Variants in GALNT13 observed in about 807,000 individuals in gnomAD.
GALNT13 encodes the protein polypeptide N-acetylgalactosaminyltransferase 13.
A neutral mutation model predicts 64.2 loss-of-function variants in GALNT13; 28 were observed. The observed-to-expected ratio is 0.44, with a 90% CI of 0.32 to 0.60. The LOEUF (loss-of-function observed/expected upper bound fraction) is 0.60, where lower values mean the gene tolerates loss of function less well. Among genes scored for constraint, GALNT13 ranks in the 20% least tolerant of loss-of-function variants. The pLI is 0.05. For synonymous variants in GALNT13, 214 were observed against 224.6 expected, an observed-to-expected ratio of 0.95 and a Z score of 0.42; for missense variants, 577 against 669.8, an observed-to-expected ratio of 0.86 and a Z score of 1.53.
the GALNT13 span, among the ~76,000 whole-genome samples, chr2:153,444,524 G>A: frequency 6.6e-6 from 1 of 152,158 alleles, no homozygotes; most frequent in Admixed American, 6.5e-5. Context: ...GGTGTAAAGA[G>A]TATAGGAATA....
At chr2:153,900,254 G>A (rs1688149294) in intron 1 of GALNT13, among the ~76,000 whole-genome samples, 1 of 151,994 alleles carries the variant, frequency 6.6e-6, no homozygotes, top group Non-Finnish European at 1.5e-5. Context: ...AATATTTTGA[G>A]ATTCAAAATC....
At chr2:153,090,644 C>G in the GALNT13 span, among the ~76,000 whole-genome samples, 14 of 152,152 alleles carry the variant, frequency 9.2e-5, no homozygotes, top group African/African-American at 3.4e-4. Context: ...TAAGCTTGCT[C>G]TAAGTTGGAC....
chr2:153,371,254 G>A, the GALNT13 span, among the ~76,000 whole-genome samples: 16 of 152,186 alleles, frequency 1.1e-4, no homozygotes, highest in Admixed American at 4.6e-4. Context: ...AACACTAAAC[G>A]TTTTCCCTCT....
chr2:153,148,816 A>G, the GALNT13 span, among the ~76,000 whole-genome samples: 1 of 151,908 alleles, frequency 6.6e-6, no homozygotes, highest in Non-Finnish European at 1.5e-5. Flanking sequence ...AAAAGACATC[A>G]ACAAAATAAT....
At chr2:153,650,988 C>G in the GALNT13 span, among the ~76,000 whole-genome samples, 2 of 151,974 alleles carry the variant, frequency 1.3e-5, no homozygotes, top group Non-Finnish European at 2.9e-5. Context: ...AGAACAAAAT[C>G]AAGGGTACAG....
the GALNT13 span, among the ~76,000 whole-genome samples, chr2:153,560,214 G>C: frequency 6.6e-6 from 1 of 151,876 alleles, no homozygotes; most frequent in Non-Finnish European, 1.5e-5. Flanking sequence ...CTTTACTAGT[G>C]GGTTAACATT....
the GALNT13 span, among the ~76,000 whole-genome samples, chr2:153,828,022 C>G: frequency 6.6e-6 from 1 of 152,194 alleles, no homozygotes; most frequent in Admixed American, 6.5e-5. Flanking sequence ...CCTTTGACTC[C>G]AAGTCTCACA....
At chr2:153,648,619 T>C in the GALNT13 span, among the ~76,000 whole-genome samples, 1 of 152,144 alleles carries the variant, frequency 6.6e-6, no homozygotes, top group Non-Finnish European at 1.5e-5. Flanking sequence ...ATATAGCTCT[T>C]ATGATTTTGA....
chr2:153,459,033 C>A, the GALNT13 span, among the ~76,000 whole-genome samples: 1 of 151,804 alleles, frequency 6.6e-6, no homozygotes, highest in Non-Finnish European at 1.5e-5. Flanking sequence ...TTTCTTAGTG[C>A]CACAAATAAA....
At chr2:153,753,499 G>C in the GALNT13 span, among the ~76,000 whole-genome samples, 1 of 152,186 alleles carries the variant, frequency 6.6e-6, no homozygotes, top group Non-Finnish European at 1.5e-5. Flanking sequence ...ATGCGCTGAG[G>C]TCCTACCTTG....
chr2:153,574,984 C>T, the GALNT13 span, among the ~76,000 whole-genome samples: 2 of 152,024 alleles, frequency 1.3e-5, no homozygotes, highest in African/African-American at 2.4e-5. Flanking sequence ...TCTTCACTGC[C>T]TAGGTTTGTA....
At chr2:153,246,882 G>A in the GALNT13 span, among the ~76,000 whole-genome samples, 1,162 of 152,088 alleles carry the variant, frequency 7.6e-3, 4 homozygotes, top group Middle Eastern at 0.034. Context: ...GACCCATCAC[G>A]GTGCTGTATT....
chr2:153,522,501 ATGAGAGTTCCTGTTGTTTC>A, the GALNT13 span, among the ~76,000 whole-genome samples: 2 of 152,124 alleles, frequency 1.3e-5, no homozygotes. Context: ...CCTGCACTGA[ATGAGAGTTCCTGTTGTTTC>A]TGTTGGTGGT....
chr2:153,119,954 C>G, the GALNT13 span, among the ~76,000 whole-genome samples: 1 of 152,176 alleles, frequency 6.6e-6, no homozygotes, highest in African/African-American at 2.4e-5. Flanking sequence ...TATCCACTAT[C>G]TATCATAAAT....
At chr2:154,374,415 T>C (rs1039826397) in intron 9 of GALNT13, among the ~76,000 whole-genome samples, 1 of 152,202 alleles carries the variant, frequency 6.6e-6, no homozygotes, top group African/African-American at 2.4e-5. Context: ...AGCTGATGGC[T>C]CTTGTTTAGT....
At chr2:153,326,607 T>A in the GALNT13 span, among the ~76,000 whole-genome samples, 1 of 152,202 alleles carries the variant, frequency 6.6e-6, no homozygotes, top group African/African-American at 2.4e-5. Context: ...TTGGTATGTT[T>A]TTGCAGTGGC....
the GALNT13 span, among the ~76,000 whole-genome samples, chr2:153,565,605 C>T: frequency 1.3e-5 from 2 of 151,944 alleles, no homozygotes; most frequent in Non-Finnish European, 2.9e-5. Flanking sequence ...GTTATGAAAC[C>T]ATTTTTTTCT....
At chr2:153,779,410 G>A in the GALNT13 span, among the ~76,000 whole-genome samples, 96 of 152,116 alleles carry the variant, frequency 6.3e-4, no homozygotes, top group Middle Eastern at 6.8e-3. Context: ...TGCTTCTCAG[G>A]CACCTCATTT....
chr2:153,487,879 G>A, the GALNT13 span, among the ~76,000 whole-genome samples: 1 of 152,076 alleles, frequency 6.6e-6, no homozygotes, highest in Non-Finnish European at 1.5e-5. Context: ...TAAAGAATGT[G>A]GATTTCCACT....
Sources: gnomAD v4.1 joint callset for allele counts (sites outside exome capture counted in the v4.1 genomes callset) on GRCh38, gnomAD v4.1.1 for gene constraint, MANE v1.5 for transcripts, NCBI Gene and HGNC (gene_info 2026-07-23, HGNC 2026-07-21) for gene names.